Variants in SYNJ2BP observed in about 807,000 individuals in gnomAD.
The protein encoded by SYNJ2BP is synaptojanin 2 binding protein.
In SYNJ2BP, 10 loss-of-function variants were observed where a neutral mutation model predicts 16.9. The ratio of observed to expected loss-of-function variants is 0.59; its 90% CI spans 0.36 to 1.00. SYNJ2BP has a LOEUF of 1.00. Among genes scored for constraint, SYNJ2BP ranks in the 50% least tolerant of loss-of-function variants. The pLI is 0.01. For synonymous variants in SYNJ2BP, 54 were observed against 68.4 expected (o/e 0.79, Z 1.04); for missense variants, 162 against 186.7 (o/e 0.87, Z 0.77).
chr14:70,391,022 G>A (rs1197098754), intron 1 of SYNJ2BP, among the ~76,000 whole-genome samples: 1 of 152,094 alleles, frequency 6.6e-6, no homozygotes, highest in African/African-American at 2.4e-5. Flanking sequence ...AACATTGGGA[G>A]GCTGAGGTAG....
chr14:70,395,622 T>C (rs1888073398), intron 1 of SYNJ2BP, among the ~76,000 whole-genome samples: 1 of 152,238 alleles, frequency 6.6e-6, no homozygotes, highest in Non-Finnish European at 1.5e-5. Context: ...TTTATCTATA[T>C]CATGGTAAAA....
chr14:70,394,906 T>C (rs1436391685), intron 1 of SYNJ2BP, among the ~76,000 whole-genome samples: 6 of 152,232 alleles, frequency 3.9e-5, no homozygotes. Context: ...TTTACAAAAA[T>C]GTCACACAGC....
chr14:70,403,086 G>T (rs1195781991), intron 1 of SYNJ2BP, among the ~76,000 whole-genome samples: 1 of 152,104 alleles, frequency 6.6e-6, no homozygotes, highest in African/African-American at 2.4e-5. Flanking sequence ...TGCCTCTAGG[G>T]GTATCAATTT....
In SYNJ2BP at chr14:70,372,160, T is replaced by C. The variant is rs1887531470; in HGVS notation, c.*831A>G. The C allele has an allele frequency of 6.6e-6, 1 of 152,176 alleles. No homozygotes were observed. Among genetic ancestry groups the C allele is most frequent in the South Asian group, 2.1e-4 (1 of 4,830 alleles). 9.4% of individuals were successfully genotyped at this position (152,176 alleles called of 1,614,324 possible). A position where few individuals can be genotyped will look rare whatever the true frequency, so the allele number is the denominator to read the frequency against. ...CATTTTTTTCTATTTTTTTTTTAAATAGAGATGAGGTTTTGCTATGTTGCC... is the reference window on the plus strand; with the variant it reads ...CATTTTTTTCTATTTTTTTTTTAAACAGAGATGAGGTTTTGCTATGTTGCC... On this transcript the variant is annotated 3_prime_UTR_variant, in exon 4 of 4. Coordinates refer to ENST00000256366, the MANE Select transcript of SYNJ2BP (RefSeq NM_018373.3).
In SYNJ2BP at chr14:70,367,074, A is replaced by G. The variant is rs1218929067; in HGVS notation, c.*5917T>C. The stretch of plus-strand genomic sequence containing the variant: ...AAGGATTGACTTGCATTGACAACAC[A>G]CTTTAGCTCTCGCCCCTTTCATTCT... On this transcript the variant is annotated 3_prime_UTR_variant, in exon 4 of 4. Coordinates refer to ENST00000256366, the MANE Select transcript of SYNJ2BP (RefSeq NM_018373.3). The G allele has an allele frequency of 6.6e-6, 1 of 152,204 alleles. No individual in the cohort carries two copies. The highest frequency in any genetic ancestry group is 1.5e-5 in the Non-Finnish European group (1 of 68,028). 9.4% of individuals were successfully genotyped at this position (152,204 alleles called of 1,614,324 possible). A position where few individuals can be genotyped will look rare whatever the true frequency, so the allele number is the denominator to read the frequency against.
At chr14:70,392,952 A>G (rs1171900580) in intron 1 of SYNJ2BP, among the ~76,000 whole-genome samples, 1 of 152,258 alleles carries the variant, frequency 6.6e-6, no homozygotes, top group Non-Finnish European at 1.5e-5. Flanking sequence ...CACAAAAGCC[A>G]AAATTGACAA....
rs201766658 is a variant in SYNJ2BP, at chr14:70,400,514, TA to T, written c.65-11909del. On this transcript the variant is annotated intron_variant, in intron 1 of 3. Coordinates refer to ENST00000256366, the MANE Select transcript of SYNJ2BP (RefSeq NM_018373.3). Reference sequence around the variant, plus strand: ...TGGTTTTATTCCCAAGTTCACTTTATAAAAAAAAACAAACAATACCCTTTTG... The same window carrying T: ...TGGTTTTATTCCCAAGTTCACTTTATAAAAAAAACAAACAATACCCTTTTG... Among the ~76,000 whole-genome samples, 198 of 151,368 alleles carry T rather than the reference TA, an allele frequency of 1.3e-3. 1 individual carries two copies. The highest frequency in any genetic ancestry group is 2.4e-3 in the Non-Finnish European group (162 of 67,726).
At chr14:70,406,612 A>C (rs1888349943) in intron 1 of SYNJ2BP, among the ~76,000 whole-genome samples, 1 of 152,156 alleles carries the variant, frequency 6.6e-6, no homozygotes, top group African/African-American at 2.4e-5. Flanking sequence ...TGTAAAACCT[A>C]AGATCAGTGC....
intron 1 of SYNJ2BP, among the ~76,000 whole-genome samples, chr14:70,397,981 C>T (rs1305242614): frequency 6.6e-6 from 1 of 152,202 alleles, no homozygotes; most frequent in Non-Finnish European, 1.5e-5. Context: ...GTGTTCGGCT[C>T]CTAGCAGAGA....
intron 2 of SYNJ2BP, among the ~76,000 whole-genome samples, chr14:70,382,097 G>A (rs998809958): frequency 1.3e-5 from 2 of 152,106 alleles, no homozygotes; most frequent in East Asian, 1.9e-4. Flanking sequence ...TTAGCTGGAC[G>A]TGGTGGCAGG....
chr14:70,376,388 A>C (rs1887630794), intron 2 of SYNJ2BP, among the ~76,000 whole-genome samples: 1 of 152,176 alleles, frequency 6.6e-6, no homozygotes, highest in Non-Finnish European at 1.5e-5. Context: ...TAAATCCTTA[A>C]AAAAATTTCA....
chr14:70,397,182 A>T (rs1227072197), intron 1 of SYNJ2BP, among the ~76,000 whole-genome samples: 1 of 152,134 alleles, frequency 6.6e-6, no homozygotes, highest in East Asian at 1.9e-4. Flanking sequence ...TCCAACTTTC[A>T]CATACTTCTG....
intron 1 of SYNJ2BP, among the ~76,000 whole-genome samples, chr14:70,403,357 C>G (rs1888280808): frequency 6.6e-6 from 1 of 152,136 alleles, no homozygotes; most frequent in South Asian, 2.1e-4. Context: ...GCGTTTAAAC[C>G]AGAGCAACTC....
chr14:70,376,137 C>T (rs551570425), intron 2 of SYNJ2BP, among the ~76,000 whole-genome samples: 29 of 152,280 alleles, frequency 1.9e-4, no homozygotes, highest in African/African-American at 6.5e-4. Flanking sequence ...CAGGTTACCA[C>T]CCTAACCTTT....
intron 1 of SYNJ2BP, among the ~76,000 whole-genome samples, chr14:70,401,244 A>C (rs371132066): frequency 6.6e-6 from 1 of 152,182 alleles, no homozygotes; most frequent in South Asian, 2.1e-4. Flanking sequence ...TCTTGGTTAA[A>C]ATCTGATAAT....
intron 1 of SYNJ2BP, among the ~76,000 whole-genome samples, chr14:70,404,515 G>T (rs1888307060): frequency 6.6e-6 from 1 of 152,082 alleles, no homozygotes; most frequent in Non-Finnish European, 1.5e-5. Context: ...GTATAGAAAA[G>T]CTAAATATAT....
intron 1 of SYNJ2BP, among the ~76,000 whole-genome samples, chr14:70,414,789 C>T (rs1447857814): frequency 2.0e-5 from 3 of 152,042 alleles, no homozygotes; most frequent in Admixed American, 1.3e-4. Flanking sequence ...ACTTGCACAG[C>T]AATCAGAAAA....
At chr14:70,399,493 A>C (rs1263222792) in intron 1 of SYNJ2BP, among the ~76,000 whole-genome samples, 1 of 152,164 alleles carries the variant, frequency 6.6e-6, no homozygotes, top group Non-Finnish European at 1.5e-5. Flanking sequence ...GAGGCTCCGG[A>C]CCTGGGGATG....
At chr14:70,403,818 C>T (rs185440153) in intron 1 of SYNJ2BP, among the ~76,000 whole-genome samples, 1 of 152,286 alleles carries the variant, frequency 6.6e-6, no homozygotes, top group Non-Finnish European at 1.5e-5. Context: ...TTCTTTCTTG[C>T]GTGAGATCCA....
Sources: allele counts gnomAD v4.1 joint callset (sites outside exome capture counted in the v4.1 genomes callset), GRCh38; gene constraint gnomAD v4.1.1; transcripts MANE v1.5; gene names NCBI Gene and HGNC (gene_info 2026-07-23, HGNC 2026-07-21).